DLEU7: variants seen among roughly 807,000 people sequenced by gnomAD.
DLEU7 encodes the protein leukemia-associated protein 7.
In DLEU7, 17 loss-of-function variants were observed where a neutral mutation model predicts 16.0. The observed-to-expected ratio is 1.06, with a 90% CI of 0.73 to 1.59. DLEU7 has a LOEUF of 1.59. Among genes scored for constraint, DLEU7 ranks in the 40% most tolerant of loss-of-function variants. The pLI is 0.00. For synonymous variants in DLEU7, 113 were observed against 139.8 expected, an observed-to-expected ratio of 0.81 and a Z score of 1.35; for missense variants, 308 against 314.9, an observed-to-expected ratio of 0.98 and a Z score of 0.17.
At chr13:50,798,687 CG>C (rs1298190178) in intron 1 of DLEU7, among the ~76,000 whole-genome samples, 5 of 152,296 alleles carry the variant, frequency 3.3e-5, no homozygotes, top group African/African-American at 1.2e-4. Flanking sequence ...TGAGGCTGTC[CG>C]GGTCTCATGT....
At chr13:50,716,673 G>A (rs1476962951) in intron 1 of DLEU7, among the ~76,000 whole-genome samples, 2 of 152,200 alleles carry the variant, frequency 1.3e-5, no homozygotes, top group Non-Finnish European at 1.5e-5. Context: ...CTTGTTCATA[G>A]GATTGTAGGG....
intron 1 of DLEU7, among the ~76,000 whole-genome samples, chr13:50,777,608 A>G (rs918807202): frequency 4.6e-5 from 7 of 152,228 alleles, no homozygotes; most frequent in African/African-American, 1.4e-4. Context: ...TTTAGAGAAC[A>G]CTAATATAAG....
At chr13:50,834,920 A>G (rs1388879328) in intron 1 of DLEU7, among the ~76,000 whole-genome samples, 1 of 152,010 alleles carries the variant, frequency 6.6e-6, no homozygotes, top group Non-Finnish European at 1.5e-5. Context: ...TGAAGCCATC[A>G]TTGTTAGCAA....
At chr13:50,763,215 T>C (rs990121258) in intron 1 of DLEU7, among the ~76,000 whole-genome samples, 22 of 152,156 alleles carry the variant, frequency 1.4e-4, no homozygotes, top group African/African-American at 5.1e-4. Context: ...GCTCGAGTTA[T>C]GAAGGATCCC....
At chr13:50,727,094 G>A (rs111980092) in intron 1 of DLEU7, among the ~76,000 whole-genome samples, 6,023 of 152,258 alleles carry the variant, frequency 0.04, 180 homozygotes, top group Non-Finnish European at 0.059. Context: ...CCTCCTCTGA[G>A]CTACAAAATC....
intron 1 of DLEU7, among the ~76,000 whole-genome samples, chr13:50,761,361 A>G (rs626841): frequency 0.47 from 71,310 of 151,872 alleles, 17,718 homozygotes; most frequent in African/African-American, 0.62. Context: ...AGCAGTGATG[A>G]TTTGAGTGAT....
chr13:50,840,087 C>G (rs542375190), intron 1 of DLEU7: 1 of 152,310 alleles, frequency 6.6e-6, no homozygotes, highest in East Asian at 1.9e-4. Flanking sequence ...TTCCTCCTAC[C>G]TTCCGTGGTA....
chr13:50,731,574 G>A (rs533967799), intron 1 of DLEU7, among the ~76,000 whole-genome samples: 43 of 152,300 alleles, frequency 2.8e-4, no homozygotes, highest in Middle Eastern at 3.4e-3. Flanking sequence ...CATGGCTACT[G>A]CAGGAAGTGA....
At chr13:50,833,941 A>G (rs543166636) in intron 1 of DLEU7, among the ~76,000 whole-genome samples, 3 of 152,370 alleles carry the variant, frequency 2.0e-5, no homozygotes, top group African/African-American at 7.2e-5. Context: ...CAATGGGGAA[A>G]GGATTCCCTA....
At chr13:50,770,695 C>T (rs1303676664) in intron 1 of DLEU7, among the ~76,000 whole-genome samples, 22 of 152,180 alleles carry the variant, frequency 1.4e-4, no homozygotes, top group Admixed American at 6.5e-5. Flanking sequence ...TGAGGATTTT[C>T]GCATCGATGT....
At chr13:50,735,844 G>A (rs2137720736) in intron 1 of DLEU7, among the ~76,000 whole-genome samples, 1 of 152,164 alleles carries the variant, frequency 6.6e-6, no homozygotes. Context: ...TTACTAAAAC[G>A]TCAAAAAATA....
chr13:50,757,006 T>C (rs752170959), intron 1 of DLEU7, among the ~76,000 whole-genome samples: 12 of 152,184 alleles, frequency 7.9e-5, no homozygotes, highest in Non-Finnish European at 1.8e-4. Flanking sequence ...CCAGTGAGGG[T>C]GTGTGTTCAG....
chr13:50,830,716 C>T (rs1218023721), intron 1 of DLEU7, among the ~76,000 whole-genome samples: 1 of 152,178 alleles, frequency 6.6e-6, no homozygotes, highest in East Asian at 1.9e-4. Flanking sequence ...TAGCACATAT[C>T]TGCCCTGAGG....
chr13:50,758,995 A>G (rs899136220), intron 1 of DLEU7, among the ~76,000 whole-genome samples: 5 of 152,356 alleles, frequency 3.3e-5, no homozygotes, highest in African/African-American at 1.2e-4. Flanking sequence ...TTTAATGTGT[A>G]ATCCTCAATG....
rs1243628582 is a variant in DLEU7 at position 50,823,137 on chromosome 13, TA to T, written c.*176del. The T allele has an allele frequency of 7.2e-7, 1 of 1,395,708 alleles. No individual in the cohort carries two copies. The highest frequency in any genetic ancestry group is 1.4e-5 in the African/African-American group (1 of 69,200). The allele number at this position is 1,395,708 out of a possible 1,614,324, so 86.5% of individuals were successfully genotyped here. On this transcript the variant is annotated 3_prime_UTR_variant, in exon 2 of 2. Transcript: ENST00000504404. ...AACTACTGCTTTAAAAAAATTTCAT[TA>T]ACATGCTATAATCCCGAAGGCTACA...
intron 1 of DLEU7, among the ~76,000 whole-genome samples, chr13:50,841,681 C>T (rs917744481): frequency 9.3e-5 from 14 of 150,038 alleles, no homozygotes; most frequent in African/African-American, 2.0e-4. Context: ...GTGTTATGAT[C>T]GCACCTGTGA....
chr13:50,823,228 A>G lies in DLEU7; in HGVS notation c.*86T>C, dbSNP rs1042980250. On this transcript the variant is annotated 3_prime_UTR_variant, in exon 2 of 2. Transcript: ENST00000504404. ...TTCCCCTTTGGATATAAAAATATCC[A>G]TTGTCTGCTGACTCAATTAGGAAGG... 6.6e-7 allele frequency: 1 copy of G among 1,510,642 alleles called. No homozygotes were observed. The highest frequency in any genetic ancestry group is 8.8e-7 in the Non-Finnish European group (1 of 1,130,040). 93.6% of individuals were successfully genotyped at this position (1,510,642 alleles called of 1,614,324 possible).
intron 1 of DLEU7, among the ~76,000 whole-genome samples, chr13:50,727,283 A>G (rs147369846): frequency 0.013 from 2,005 of 151,542 alleles, 41 homozygotes; most frequent in African/African-American, 0.045. Context: ...GCAGAGATTG[A>G]AAAATCGTCT....
At chr13:50,841,967 T>A (rs1877678244) in intron 1 of DLEU7, among the ~76,000 whole-genome samples, 1 of 151,522 alleles carries the variant, frequency 6.6e-6, no homozygotes, top group South Asian at 2.1e-4. Flanking sequence ...TTTGGCAGTG[T>A]CTGGAGACAT....
Sources: gnomAD v4.1 joint callset for allele counts (sites outside exome capture counted in the v4.1 genomes callset) on GRCh38, gnomAD v4.1.1 for gene constraint, MANE v1.5 for transcripts, NCBI Gene and HGNC (gene_info 2026-07-23, HGNC 2026-07-21) for gene names.